The following ARMC2 variants were observed in gnomAD, a reference collection of about 807,000 sequenced individuals.
ARMC2 encodes the protein armadillo repeat-containing protein 2.
A neutral mutation model predicts 90.3 loss-of-function variants in ARMC2; 67 were observed. The ratio of observed to expected loss-of-function variants is 0.74; its 90% CI spans 0.61 to 0.91. ARMC2 has a LOEUF of 0.91. ARMC2 is among the 40% of genes least tolerant of loss of function. The probability of loss-of-function intolerance (pLI) is 0.00; values close to 1 mark genes in which losing one functional copy is unlikely to be tolerated. For synonymous variants in ARMC2, 393 were observed against 393.0 expected, an observed-to-expected ratio of 1.00 and a Z score of 0.00; for missense variants, 920 against 1,030.9, an observed-to-expected ratio of 0.89 and a Z score of 1.47.
At chr6:109,033,572 G>A in the ARMC2 span, among the ~76,000 whole-genome samples, 1 of 152,080 alleles carries the variant, frequency 6.6e-6, no homozygotes, top group Non-Finnish European at 1.5e-5. Flanking sequence ...CAATTAATTA[G>A]AATGAATCTG....
At chr6:109,002,853 A>G in the ARMC2 span, among the ~76,000 whole-genome samples, 1 of 152,366 alleles carries the variant, frequency 6.6e-6, no homozygotes, top group African/African-American at 2.4e-5. Flanking sequence ...TTCACAAGAG[A>G]CAGCACTACA....
chr6:108,981,154 G>GA, the ARMC2 span, among the ~76,000 whole-genome samples: 1 of 151,580 alleles, frequency 6.6e-6, no homozygotes, highest in African/African-American at 2.4e-5. Context: ...ACTTTTAGTG[G>GA]AAAAAAAAGT....
intron 5 of ARMC2, among the ~76,000 whole-genome samples, chr6:108,888,955 A>C (rs935569520): frequency 1.3e-5 from 2 of 152,128 alleles, no homozygotes; most frequent in Admixed American, 1.3e-4. Context: ...TTGCCTGTCA[A>C]ATCAGATTCA....
intron 7 of ARMC2, among the ~76,000 whole-genome samples, chr6:108,903,266 T>G (rs1772335978): frequency 6.6e-6 from 1 of 151,896 alleles, no homozygotes; most frequent in Non-Finnish European, 1.5e-5. Flanking sequence ...TTTTTTTAAA[T>G]TTATTTTTTA....
At chr6:108,866,796 T>A (rs1298857343) in intron 3 of ARMC2, among the ~76,000 whole-genome samples, 1 of 152,182 alleles carries the variant, frequency 6.6e-6, no homozygotes, top group Non-Finnish European at 1.5e-5. Context: ...AATGTGTCTT[T>A]AATATCATAG....
At chr6:108,994,414 A>T in the ARMC2 span, 1 of 1,487,354 alleles carries the variant, frequency 6.7e-7, no homozygotes, top group Admixed American at 2.0e-5. Flanking sequence ...TCTAAATAAA[A>T]AGTTGAGTTT....
At chr6:108,998,287 G>T in the ARMC2 span, among the ~76,000 whole-genome samples, 7 of 152,130 alleles carry the variant, frequency 4.6e-5, no homozygotes, top group South Asian at 1.5e-3. Context: ...ACTCCTACAG[G>T]GTCTTAGAGT....
chr6:108,901,478 C>T (rs547330405), intron 7 of ARMC2, among the ~76,000 whole-genome samples: 7 of 151,442 alleles, frequency 4.6e-5, no homozygotes, highest in Admixed American at 2.0e-4. Flanking sequence ...TGCAGTGGCA[C>T]GATCTCAGCT....
At chr6:108,933,080 T>TC (rs1271622939) in intron 11 of ARMC2, among the ~76,000 whole-genome samples, 1 of 151,370 alleles carries the variant, frequency 6.6e-6, no homozygotes, top group Admixed American at 6.6e-5. Flanking sequence ...TTAAAATAGT[T>TC]TTTTTTTTTC....
intron 15 of ARMC2, among the ~76,000 whole-genome samples, chr6:108,963,523 C>T (rs1418987554): frequency 1.3e-5 from 2 of 152,170 alleles, no homozygotes; most frequent in Admixed American, 6.5e-5. Flanking sequence ...CTCAGGTGCA[C>T]GTACTGTGGG....
Position 108,854,225 on chromosome 6 carries a change from G to C in ARMC2, c.-43G>C. The C allele has an allele frequency of 1.4e-6, 2 of 1,433,804 alleles. No homozygotes were observed. Among genetic ancestry groups the C allele is most frequent in the Non-Finnish European group, 1.9e-6 (2 of 1,041,716 alleles). The allele number at this position is 1,433,804 out of a possible 1,614,324, so 88.8% of individuals were successfully genotyped here. ...TGGTTTTTGTACCATGTATTTGCAGGGTGTGGTGTCTATCTGAAGAATATT... is the reference window on the plus strand; with the variant it reads ...TGGTTTTTGTACCATGTATTTGCAGCGTGTGGTGTCTATCTGAAGAATATT... On this transcript the variant is annotated splice_region_variant and 5_prime_UTR_variant, in exon 2 of 18. Transcript: ENST00000392644.
chr6:108,993,635 C>G, the ARMC2 span, among the ~76,000 whole-genome samples: 2 of 152,162 alleles, frequency 1.3e-5, no homozygotes, highest in Admixed American at 1.3e-4. Context: ...TTTAAATTAC[C>G]TGGTTTATAT....
At chr6:109,012,435 A>G in the ARMC2 span, among the ~76,000 whole-genome samples, 1 of 152,176 alleles carries the variant, frequency 6.6e-6, no homozygotes, top group Non-Finnish European at 1.5e-5. Context: ...TTGCCTCTAC[A>G]TCTGTCCTTA....
At chr6:108,882,032 T>G (rs1319388202) in intron 5 of ARMC2, among the ~76,000 whole-genome samples, 1 of 151,528 alleles carries the variant, frequency 6.6e-6, no homozygotes, top group Admixed American at 6.6e-5. Flanking sequence ...AAAAAAAAGA[T>G]GAAGGAAGTG....
At chr6:108,943,592 A>G (rs1261269327) in intron 12 of ARMC2, among the ~76,000 whole-genome samples, 1 of 151,966 alleles carries the variant, frequency 6.6e-6, no homozygotes, top group Non-Finnish European at 1.5e-5. Flanking sequence ...TTTGCGGCAG[A>G]TGGATCGTCT....
At chr6:109,003,231 T>C in the ARMC2 span, among the ~76,000 whole-genome samples, 1 of 151,834 alleles carries the variant, frequency 6.6e-6, no homozygotes, top group African/African-American at 2.4e-5. Context: ...TTAGAATTTA[T>C]ACAATTAAAG....
chr6:108,879,842 G>T, intron 5 of ARMC2: 1 of 447,138 alleles, frequency 2.2e-6, no homozygotes. Flanking sequence ...GCTGTATTTG[G>T]CAAGTATCTT....
the ARMC2 span, among the ~76,000 whole-genome samples, chr6:109,015,923 AT>A: frequency 2.6e-5 from 4 of 152,216 alleles, no homozygotes; most frequent in Non-Finnish European, 5.9e-5. Flanking sequence ...TAGTGCTTCT[AT>A]TTGTGCACAG....
At chr6:108,951,726 C>T (rs1777194147) in intron 12 of ARMC2, among the ~76,000 whole-genome samples, 2 of 152,252 alleles carry the variant, frequency 1.3e-5, no homozygotes, top group Admixed American at 6.5e-5. Flanking sequence ...CCCCTGGCGT[C>T]GCACCTGGAC....
Sources: gnomAD v4.1 joint callset for allele counts (sites outside exome capture counted in the v4.1 genomes callset) on GRCh38, gnomAD v4.1.1 for gene constraint, MANE v1.5 for transcripts, NCBI Gene and HGNC (gene_info 2026-07-23, HGNC 2026-07-21) for gene names.